FAM81A: variants seen among roughly 807,000 people sequenced by gnomAD.
FAM81A encodes protein FAM81A.
In FAM81A, 19 loss-of-function variants were observed where a neutral mutation model predicts 46.7. The observed-to-expected ratio is 0.41, with a 90% confidence interval of 0.28 to 0.60. The LOEUF (loss-of-function observed/expected upper bound fraction) is 0.60, where lower values mean the gene tolerates loss of function less well. Ranked by LOEUF, FAM81A falls within the 20% of genes least tolerant of loss-of-function variation. FAM81A has a pLI of 0.34. For synonymous variants in FAM81A, 183 were observed against 152.9 expected (o/e 1.20, Z -1.45); for missense variants, 377 against 453.5 (o/e 0.83, Z 1.53).
At chr15:59,434,190 C>T (rs757811957), upstream of FAM81A, among the ~76,000 whole-genome samples, 1 of 152,094 alleles carries the variant, frequency 6.6e-6, no homozygotes, top group African/African-American at 2.4e-5. Flanking sequence ...ATGGATATGG[C>T]AATAATGAAA....
intron 3 of FAM81A, among the ~76,000 whole-genome samples, chr15:59,489,913 G>T (rs1276851021): frequency 2.0e-5 from 3 of 152,060 alleles, no homozygotes; most frequent in Non-Finnish European, 2.9e-5. Context: ...AAATCAAAAT[G>T]GATTAAAGAT....
At chr15:59,422,117 T>C (rs1360362895) in intron 2 of FAM81A, among the ~76,000 whole-genome samples, 1 of 152,138 alleles carries the variant, frequency 6.6e-6, no homozygotes, top group African/African-American at 2.4e-5. Context: ...CCAGGCACAG[T>C]GGCTCATGTC....
chr15:59,522,611 T>C lies in FAM81A; in HGVS notation c.*1233T>C, dbSNP rs532201570. ...TCATTGAAAATTGGCCCCAGTGCTG[T>C]TTGTTCATCTCTGTATGTAAAAACT... On this transcript the variant is annotated 3_prime_UTR_variant, in exon 9 of 9. Coordinates refer to ENST00000288228, the MANE Select transcript of FAM81A (RefSeq NM_152450.3). 2.0e-5 allele frequency: 3 copies of C among 152,620 alleles called. No homozygotes were observed. Among genetic ancestry groups the C allele is most frequent in the Admixed American group, 6.5e-5 (1 of 15,302 alleles). 9.5% of individuals were successfully genotyped at this position (152,620 alleles called of 1,614,324 possible).
chr15:59,510,360 C>A (rs2082192837), intron 6 of FAM81A, among the ~76,000 whole-genome samples: 1 of 140,360 alleles, frequency 7.1e-6, no homozygotes, highest in African/African-American at 2.8e-5. Flanking sequence ...TAGAATAGGA[C>A]TCTGTCTCAA....
At chr15:59,428,783 A>G (rs1272724086) in intron 2 of FAM81A, among the ~76,000 whole-genome samples, 2 of 152,048 alleles carry the variant, frequency 1.3e-5, no homozygotes, top group Non-Finnish European at 2.9e-5. Flanking sequence ...GGCGCAGGCC[A>G]CCATGCCAAG....
At position 59,449,655 on chromosome 15, in the gene FAM81A, G is replaced by A. The variant is rs1056808713; in HGVS notation, c.-77-8895G>A. The stretch of plus-strand genomic sequence containing the variant: ...AAATTAGCCGGGCGTGGTGGCGGGC[G>A]CCTGTAGTCCCAGCTACGCGGGAGG... On this transcript the variant is annotated intron_variant, in intron 1 of 8. Transcript: ENST00000288228. 7.9e-5 allele frequency among the ~76,000 whole-genome samples: 12 copies of A among 151,854 alleles called. No individual in the cohort carries two copies. The South Asian group carries it at 8.3e-4, about 11-fold the overall frequency.
chr15:59,493,665 G>A (rs1464772559), intron 4 of FAM81A, among the ~76,000 whole-genome samples: 2 of 152,038 alleles, frequency 1.3e-5, no homozygotes, highest in Admixed American at 1.3e-4. Context: ...TCGGCTCACT[G>A]CAACCTCCGC....
chr15:59,435,395 G>A (rs1257828355), upstream of FAM81A, among the ~76,000 whole-genome samples: 2 of 152,040 alleles, frequency 1.3e-5, no homozygotes, highest in African/African-American at 4.8e-5. Flanking sequence ...CGAGGCCGGC[G>A]GATCACCTGA....
At chr15:59,401,776 T>G in intron 1 of FAM81A, 1 of 740,780 alleles carries the variant, frequency 1.3e-6, no homozygotes, top group Non-Finnish European at 2.5e-6. Context: ...CAGCATTTTT[T>G]TTTTTTTTTG....
At chr15:59,427,781 C>T (rs2081201654) in intron 2 of FAM81A, among the ~76,000 whole-genome samples, 3 of 152,102 alleles carry the variant, frequency 2.0e-5, no homozygotes, top group South Asian at 2.1e-4. Flanking sequence ...TGTATAGGTA[C>T]CATATTTTCT....
intron 2 of FAM81A, among the ~76,000 whole-genome samples, chr15:59,413,947 C>CATTCTA (rs2141542484): frequency 6.6e-6 from 1 of 152,138 alleles, no homozygotes; most frequent in East Asian, 1.9e-4. Context: ...AAGACGTCCA[C>CATTCTA]ATTCTAATTC....
At chr15:59,408,486 A>G (rs1200545334) in intron 2 of FAM81A, among the ~76,000 whole-genome samples, 1 of 152,158 alleles carries the variant, frequency 6.6e-6, no homozygotes, top group Non-Finnish European at 1.5e-5. Flanking sequence ...CCTGAGGTCA[A>G]GTGTCCAAGA....
intron 3 of FAM81A, among the ~76,000 whole-genome samples, chr15:59,487,686 C>T (rs560157992): frequency 1.3e-5 from 2 of 152,152 alleles, no homozygotes; most frequent in African/African-American, 2.4e-5. Flanking sequence ...ACACATACAA[C>T]CTACCACAAT....
intron 3 of FAM81A, among the ~76,000 whole-genome samples, chr15:59,488,576 A>G (rs529470589): frequency 1.3e-5 from 2 of 152,358 alleles, no homozygotes; most frequent in South Asian, 4.1e-4. Context: ...ATAAAATTTC[A>G]GGATACAAAA....
intron 1 of FAM81A, among the ~76,000 whole-genome samples, chr15:59,443,134 A>G (rs1278563317): frequency 6.6e-6 from 1 of 152,204 alleles, no homozygotes; most frequent in East Asian, 1.9e-4. Context: ...CCAGGGCGGA[A>G]CGCAATGGCA....
chr15:59,470,283 T>A (rs1367846431), intron 3 of FAM81A, among the ~76,000 whole-genome samples: 1 of 152,214 alleles, frequency 6.6e-6, no homozygotes, highest in African/African-American at 2.4e-5. Flanking sequence ...TCCTGGATGA[T>A]ATCCTGAAGA....
chr15:59,410,232 G>T (rs1374412393), intron 2 of FAM81A, among the ~76,000 whole-genome samples: 1 of 152,012 alleles, frequency 6.6e-6, no homozygotes, highest in Non-Finnish European at 1.5e-5. Flanking sequence ...GGAGGTAGAG[G>T]TTGCAGTGAG....
chr15:59,413,925 G>A (rs2081133883), intron 2 of FAM81A, among the ~76,000 whole-genome samples: 1 of 152,094 alleles, frequency 6.6e-6, no homozygotes, highest in East Asian at 1.9e-4. Context: ...AGGTAGAATG[G>A]TAGCCCTCCC....
chr15:59,488,829 A>G (rs1470972495), intron 3 of FAM81A, among the ~76,000 whole-genome samples: 8 of 152,032 alleles, frequency 5.3e-5, no homozygotes, highest in Non-Finnish European at 1.2e-4. Context: ...ATACGATAAA[A>G]TAGCTGAGCG....
Sources: gnomAD v4.1 joint callset for allele counts (sites outside exome capture counted in the v4.1 genomes callset) on GRCh38, gnomAD v4.1.1 for gene constraint, MANE v1.5 for transcripts, NCBI Gene and HGNC (gene_info 2026-07-23, HGNC 2026-07-21) for gene names.